The following ZNF549 variants were observed in gnomAD, a reference collection of about 807,000 sequenced individuals.
ZNF549 encodes the protein zinc finger protein 549.
Under a neutral mutation model 11.1 loss-of-function variants are expected in ZNF549, and 11 were observed. The ratio of observed to expected loss-of-function variants is 0.99; its 90% CI spans 0.62 to 1.64. ZNF549 has a LOEUF of 1.64. Among genes scored for constraint, ZNF549 ranks in the 40% most tolerant of loss-of-function variants. The pLI is 0.00. For missense variants in ZNF549, 748 were observed against 765.1 expected, an observed-to-expected ratio of 0.98 and a Z score of 0.26; for synonymous variants, 266 against 269.1, an observed-to-expected ratio of 0.99 and a Z score of 0.11.
chr19:57,535,289 A>G lies in ZNF549; in HGVS notation c.199+19A>G, dbSNP rs753162574. On this transcript the variant is annotated intron_variant, in intron 3 of 3. Coordinates refer to ENST00000376233, the MANE Select transcript of ZNF549 (RefSeq NM_001199295.2). Reference sequence around the variant, plus strand: ...TCAGTAGGTAAGATCTCTTAAAACCACACCATCAACCTCTGCTGGACTCTG... The same window carrying G: ...TCAGTAGGTAAGATCTCTTAAAACCGCACCATCAACCTCTGCTGGACTCTG... The G allele has an allele frequency of 1.5e-5, 24 of 1,610,052 alleles. No individual in the cohort carries two copies. The highest frequency in any genetic ancestry group is 2.0e-5 in the Non-Finnish European group (23 of 1,177,076).
At position 57,535,347 on chromosome 19, in the gene ZNF549, T is replaced by A. The variant is rs747975888; in HGVS notation, c.199+77T>A. 4.6e-6 allele frequency: 7 copies of A among 1,530,046 alleles called. No individual in the cohort carries two copies. In the African/African-American group the frequency reaches 9.6e-5, roughly 21 times the overall value. The allele number at this position is 1,530,046 out of a possible 1,614,324, so 94.8% of individuals were successfully genotyped here. A position where few individuals can be genotyped will look rare whatever the true frequency, so the allele number is the denominator to read the frequency against. Reference sequence around the variant, plus strand: ...CCTTTTTCCAGGAGTTTCCTGTCTTTCCCAGAGTTGGACATGGGCCCTTCT... The same window carrying A: ...CCTTTTTCCAGGAGTTTCCTGTCTTACCCAGAGTTGGACATGGGCCCTTCT... On this transcript the variant is annotated intron_variant, in intron 3 of 3. Transcript: ENST00000376233.
At position 57,538,566 on chromosome 19, in the gene ZNF549, G is replaced by T. The variant is rs1175943930; in HGVS notation, c.1562G>T (p.Arg521Ile). ...GAGGTTAAACTTCTTCAGCACCAAA[G>T]AATCCATACTAGAGAACAACTTTGT... ...YLEVKLLQHQ[R>I]IHTREQLCEC... Residue 521 changes from arginine to isoleucine, a missense_variant, in exon 4 of 4, where the codon AGA (arginine) becomes ATA (isoleucine). By Grantham distance (97) the Arg-to-Ile change is moderately conservative. Transcript: ENST00000376233. 12 of 1,614,026 alleles carry T rather than the reference G, an allele frequency of 7.4e-6. No individual in the cohort carries two copies. The highest frequency in any genetic ancestry group is 1.0e-5 in the Non-Finnish European group (12 of 1,180,030).
In ZNF549 at chr19:57,538,128, A is replaced by G. The variant is rs1441917778; in HGVS notation, c.1124A>G (p.Asp375Gly). The change falls in exon 4 of 4, where the codon GAC (aspartate) becomes GGC (glycine). Residue 375 changes from aspartate to glycine, a missense_variant. Asp to Gly is a moderately conservative substitution (Grantham distance 94). Coordinates refer to ENST00000376233, the MANE Select transcript of ZNF549 (RefSeq NM_001199295.2). Reference sequence around the variant, plus strand: ...GGGAAATCTTTTATTCATTCCTATGACCGCATTCGACACCAGAGAGTTCAC... The same window carrying G: ...GGGAAATCTTTTATTCATTCCTATGGCCGCATTCGACACCAGAGAGTTCAC... ...ECGKSFIHSY[D>G]RIRHQRVHTG... The G allele has an allele frequency of 6.2e-7, 1 of 1,614,054 alleles. No individual in the cohort carries two copies. The highest frequency in any genetic ancestry group is 8.5e-7 in the Non-Finnish European group (1 of 1,180,036).
chr19:57,529,825 G>A (rs2089896025), intron 1 of ZNF549, among the ~76,000 whole-genome samples: 1 of 152,148 alleles, frequency 6.6e-6, no homozygotes, highest in Non-Finnish European at 1.5e-5. Context: ...GGCAGAGCTT[G>A]CAGTGAGCCG....
In ZNF549 at chr19:57,539,655, G is replaced by T. The variant is rs1239029921; in HGVS notation, c.*728G>T. On this transcript the variant is annotated 3_prime_UTR_variant, in exon 4 of 4. Coordinates refer to ENST00000376233, the MANE Select transcript of ZNF549 (RefSeq NM_001199295.2). ...GAGGTCTCCCTGAGAAGAGGCATTT[G>T]TGACAAACTCAAGTGCTGGGACCTG... 1 of 152,222 alleles carries T rather than the reference G, an allele frequency of 6.6e-6. No homozygotes were observed. The highest frequency in any genetic ancestry group is 1.5e-5 in the Non-Finnish European group (1 of 68,044). 9.4% of individuals were successfully genotyped at this position (152,222 alleles called of 1,614,324 possible). A position where few individuals can be genotyped will look rare whatever the true frequency, so the allele number is the denominator to read the frequency against.
intron 1 of ZNF549, among the ~76,000 whole-genome samples, chr19:57,529,759 G>A (rs1286466334): frequency 6.6e-6 from 1 of 152,076 alleles, no homozygotes; most frequent in South Asian, 2.1e-4. Flanking sequence ...GGTAGTGGGC[G>A]CCCGTAGTCC....
chr19:57,536,881 G>C (rs942723768), intron 3 of ZNF549, among the ~76,000 whole-genome samples: 1 of 152,144 alleles, frequency 6.6e-6, no homozygotes, highest in African/African-American at 2.4e-5. Context: ...CTTGAGCTAA[G>C]GAATTTGAGA....
rs1314635253 is a variant in ZNF549 at position 57,538,964 on chromosome 19, G to C, written c.*37G>C. On this transcript the variant is annotated 3_prime_UTR_variant, in exon 4 of 4. Coordinates refer to ENST00000376233, the MANE Select transcript of ZNF549 (RefSeq NM_001199295.2). ...ATGTGTAATTGTCTTATTCACTGTA[G>C]GACACCAGAGAGCTGATTTTTCAAG... is the stretch of plus-strand genomic sequence containing the variant. 1.9e-6 allele frequency: 3 copies of C among 1,550,058 alleles called. No homozygotes were observed. The highest frequency in any genetic ancestry group is 1.9e-5 in the Admixed American group (1 of 53,606).
chr19:57,532,989 C>T (rs1482348429), intron 2 of ZNF549, among the ~76,000 whole-genome samples: 3 of 152,108 alleles, frequency 2.0e-5, no homozygotes, highest in Non-Finnish European at 4.4e-5. Context: ...GGATTACAGG[C>T]GCCCGCCACC....
At chr19:57,534,497 T>G (rs1427432446) in intron 2 of ZNF549, among the ~76,000 whole-genome samples, 1 of 152,092 alleles carries the variant, frequency 6.6e-6, no homozygotes, top group South Asian at 2.1e-4. Context: ...TGGGAGCAGC[T>G]GGGGGCCAAG....
At chr19:57,534,257 G>C (rs1361763752) in intron 2 of ZNF549, among the ~76,000 whole-genome samples, 2 of 152,182 alleles carry the variant, frequency 1.3e-5, no homozygotes, top group African/African-American at 4.8e-5. Context: ...GATGAAACGG[G>C]TGTCCAGCTG....
chr19:57,535,106 T>G (rs771338048), intron 2 of ZNF549, 38 bp from the exon 3 acceptor site: 2 of 1,605,722 alleles, frequency 1.2e-6, no homozygotes, highest in Non-Finnish European at 1.7e-6. Context: ...TCCTGGGGAT[T>G]GAGTCTGCTC....
At position 57,527,388 on chromosome 19, in the gene ZNF549, G is replaced by C. The variant is rs1249590614; in HGVS notation, c.-186G>C. Reference sequence around the variant, plus strand: ...CTGCCTGCGAGCGCGTCCGCGGGCTGGGCGTTTCCGGCTCGCTGGGTCCGG... The same window carrying C: ...CTGCCTGCGAGCGCGTCCGCGGGCTCGGCGTTTCCGGCTCGCTGGGTCCGG... On this transcript the variant is annotated 5_prime_UTR_variant, in exon 1 of 4. Transcript: ENST00000376233. 2.5e-6 allele frequency: 2 copies of C among 788,544 alleles called. No individual in the cohort carries two copies. The highest frequency in any genetic ancestry group is 4.1e-6 in the Non-Finnish European group (2 of 484,280). 48.8% of individuals were successfully genotyped at this position (788,544 alleles called of 1,614,324 possible).
rs1352039501 is a variant in ZNF549, at chr19:57,538,386, T to G, written c.1382T>G (p.Met461Arg). 1.9e-6 allele frequency: 3 copies of G among 1,613,934 alleles called. No homozygotes were observed. The highest frequency in any genetic ancestry group is 2.5e-6 in the Non-Finnish European group (3 of 1,179,992). The change falls in exon 4 of 4, where the codon ATG becomes AGG. Residue 461 changes from methionine (M) to arginine (R), a missense_variant. Transcript: ENST00000376233. ...GKSFIRSSDYMRHQRIHTGER... is the reference protein window; with the variant it reads ...GKSFIRSSDYRRHQRIHTGER... The stretch of plus-strand genomic sequence containing the variant: ...TCATTTATCCGCTCGTCTGACTACA[T>G]GCGACACCAGAGAATTCACACTGGA...
At position 57,531,055 on chromosome 19, in the gene ZNF549, T is replaced by C. The variant is rs772130987; in HGVS notation, c.34-15T>C. 1 of 1,598,198 alleles carries C rather than the reference T, an allele frequency of 6.3e-7. No individual in the cohort carries two copies. The highest frequency in any genetic ancestry group is 2.2e-5 in the East Asian group (1 of 44,872). ...CCTTGAACACCTGTATTTCATAGCCTCCCTCTTCCTACAGATTCCCATGGT... is the reference window on the plus strand; with the variant it reads ...CCTTGAACACCTGTATTTCATAGCCCCCCTCTTCCTACAGATTCCCATGGT... On this transcript the variant is annotated splice_polypyrimidine_tract_variant and intron_variant, in intron 1 of 3. Coordinates refer to ENST00000376233, the MANE Select transcript of ZNF549 (RefSeq NM_001199295.2).
intron 2 of ZNF549, among the ~76,000 whole-genome samples, chr19:57,532,695 A>C (rs1308299839): frequency 6.6e-6 from 1 of 152,194 alleles, no homozygotes; most frequent in Non-Finnish European, 1.5e-5. Context: ...TGAGAACAGC[A>C]TGTATTCTGT....
In ZNF549 at chr19:57,537,169, C is replaced by T. The variant is rs77255789; in HGVS notation, c.200-35C>T. ...TGGAGCTGTTCCCTTCTACCAAAGTCTGCATATACTTCACTTGCATTTTTA... is the reference window on the plus strand; with the variant it reads ...TGGAGCTGTTCCCTTCTACCAAAGTTTGCATATACTTCACTTGCATTTTTA... On this transcript the variant is annotated intron_variant, in intron 3 of 3. Coordinates refer to ENST00000376233, the MANE Select transcript of ZNF549 (RefSeq NM_001199295.2). The T allele has an allele frequency of 3.1e-3, 4,980 of 1,582,146 alleles. 139 individuals carry two copies. The African/African-American group carries it at 0.056, about 18-fold the overall frequency.
chr19:57,538,334 C>G lies in ZNF549; in HGVS notation c.1330C>G (p.Pro444Ala). The G allele has an allele frequency of 6.2e-7, 1 of 1,613,748 alleles. No individual in the cohort carries two copies. Among genetic ancestry groups the G allele is most frequent in the Non-Finnish European group, 8.5e-7 (1 of 1,179,954 alleles). Reference protein sequence around the residue: ...EHQRIHTGEKPYVCIICGKSF... With the variant: ...EHQRIHTGEKAYVCIICGKSF... ...CCAGAGAATTCATACTGGAGAAAAG[C>G]CTTATGTGTGCATCATATGTGGGAA... The change falls in exon 4 of 4, where the codon CCT becomes GCT. Residue 444 changes from proline to alanine, a missense_variant. Coordinates refer to ENST00000376233, the MANE Select transcript of ZNF549 (RefSeq NM_001199295.2).
intron 1 of ZNF549, 111 bp downstream of exon 1, chr19:57,527,717 G>C: frequency 1.5e-6 from 2 of 1,358,030 alleles, no homozygotes; most frequent in South Asian, 2.5e-5. Context: ...AGGAGTTCTG[G>C]GTGGGGTCCT....
Sources: allele counts gnomAD v4.1 joint callset (sites outside exome capture counted in the v4.1 genomes callset), GRCh38; gene constraint gnomAD v4.1.1; transcripts MANE v1.5; gene names NCBI Gene and HGNC (gene_info 2026-07-23, HGNC 2026-07-21).